RPGRIP1: variants seen among roughly 807,000 people sequenced by gnomAD.
RPGRIP1 encodes X-linked retinitis pigmentosa GTPase regulator-interacting protein 1.
In RPGRIP1, 128 loss-of-function variants were observed where a neutral mutation model predicts 157.9. The ratio of observed to expected loss-of-function variants is 0.81; its 90% CI spans 0.70 to 0.94. RPGRIP1 has a LOEUF of 0.94. RPGRIP1 is among the 40% of genes least tolerant of loss of function. The pLI is 0.00. For synonymous variants in RPGRIP1, 554 were observed against 571.6 expected, an observed-to-expected ratio of 0.97 and a Z score of 0.44; for missense variants, 1,486 against 1,545.8, an observed-to-expected ratio of 0.96 and a Z score of 0.65.
chr14:21,315,268 G>A (rs751617281), intron 10 of RPGRIP1, among the ~76,000 whole-genome samples: 4 of 152,128 alleles, frequency 2.6e-5, no homozygotes, highest in Non-Finnish European at 4.4e-5. Flanking sequence ...AGCACTTTGG[G>A]AGGCCGAGGT....
At position 21,301,055 on chromosome 14, in the gene RPGRIP1, G is replaced by C; in HGVS notation, c.308G>C (p.Arg103Pro). The change falls in exon 4 of 25, where the codon CGC (arginine) becomes CCC (proline). Residue 103 changes from arginine (R) to proline (P), a missense_variant. By Grantham distance (103) the Arg-to-Pro change is moderately radical (BLOSUM62 -2). Coordinates refer to ENST00000400017, the MANE Select transcript of RPGRIP1 (RefSeq NM_020366.4). The stretch of plus-strand genomic sequence containing the variant: ...GCGCCGCTCTCGGAGACCGCAAGGC[G>C]CGGGCAGAAGGCGGGATGGCGGCAG... ...EAAPLSETAR[R>P]GQKAGWRQRL... The C allele has an allele frequency of 6.2e-7, 1 of 1,612,704 alleles. No individual in the cohort carries two copies. The highest frequency in any genetic ancestry group is 8.5e-7 in the Non-Finnish European group (1 of 1,179,474).
chr14:21,302,685 G>C, intron 5 of RPGRIP1, 101 bp downstream of exon 5: 2 of 738,546 alleles, frequency 2.7e-6, no homozygotes, highest in Non-Finnish European at 4.3e-6. Flanking sequence ...AGTCTTTTCA[G>C]CATGATCAGG....
At chr14:21,295,449 ATTT>A (rs1880728456) in intron 3 of RPGRIP1, among the ~76,000 whole-genome samples, 5 of 31,888 alleles carry the variant, frequency 1.6e-4, no homozygotes, top group Admixed American at 1.2e-3. Context: ...CTATACATTT[ATTT>A]ATTTATTTAT....
At chr14:21,344,662 G>A (rs1179234833) in intron 22 of RPGRIP1, among the ~76,000 whole-genome samples, 1 of 151,988 alleles carries the variant, frequency 6.6e-6, no homozygotes, top group African/African-American at 2.4e-5. Flanking sequence ...AATTTCGAAG[G>A]AGCCTGGGTG....
intron 23 of RPGRIP1, among the ~76,000 whole-genome samples, chr14:21,347,827 C>T (rs918688383): frequency 1.3e-5 from 2 of 152,140 alleles, no homozygotes; most frequent in Non-Finnish European, 2.9e-5. Flanking sequence ...CTCCTGGGCT[C>T]AAGTGATCTC....
intron 1 of RPGRIP1, among the ~76,000 whole-genome samples, chr14:21,284,326 A>G (rs184646055): frequency 6.9e-4 from 105 of 152,272 alleles, no homozygotes; most frequent in African/African-American, 2.4e-3. Flanking sequence ...ACAAGACTCT[A>G]CTATAGAACC....
chr14:21,318,493 T>C (rs1280170327), intron 11 of RPGRIP1, among the ~76,000 whole-genome samples: 1 of 152,102 alleles, frequency 6.6e-6, no homozygotes, highest in African/African-American at 2.4e-5. Flanking sequence ...TGGTTTTGTT[T>C]CTGAGAGAGT....
At chr14:21,323,958 T>C (rs942389976) in intron 14 of RPGRIP1, 2 of 154,962 alleles carry the variant, frequency 1.3e-5, no homozygotes, top group Admixed American at 6.3e-5. Flanking sequence ...ACTTGGGAGA[T>C]AATACCCAGA....
intron 20 of RPGRIP1, 120 bp from the exon 21 acceptor site, chr14:21,334,485 G>A (rs1884123767): frequency 1.4e-6 from 1 of 729,114 alleles, no homozygotes; most frequent in African/African-American, 1.8e-5. Flanking sequence ...GTAAGTGAAG[G>A]CAAAATCTAG....
intron 8 of RPGRIP1, 99 bp downstream of exon 8, chr14:21,310,706 G>A (rs1467418071): frequency 4.3e-6 from 3 of 691,292 alleles, no homozygotes; most frequent in Non-Finnish European, 7.6e-6. Flanking sequence ...CCAGAATTTA[G>A]CTAACTAAAT....
intron 3 of RPGRIP1, among the ~76,000 whole-genome samples, chr14:21,295,565 C>T (rs1880737999): frequency 6.6e-6 from 1 of 150,454 alleles, no homozygotes; most frequent in Admixed American, 6.7e-5. Flanking sequence ...CTCACCGCAA[C>T]CTCCGCCTCC....
chr14:21,315,683 C>G (rs1881755498), intron 10 of RPGRIP1, among the ~76,000 whole-genome samples: 1 of 152,038 alleles, frequency 6.6e-6, no homozygotes, highest in Admixed American at 6.6e-5. Context: ...ATAGACATTA[C>G]TATTTGCCTC....
At chr14:21,321,589 C>A in intron 13 of RPGRIP1, 187 bp downstream of exon 13, 1 of 1,274,524 alleles carries the variant, frequency 7.8e-7, no homozygotes, top group Non-Finnish European at 1.0e-6. Flanking sequence ...CACCTTGGCA[C>A]TAGGAGCCAG....
At chr14:21,347,182 T>C (rs756417638) in intron 23 of RPGRIP1, among the ~76,000 whole-genome samples, 3 of 152,268 alleles carry the variant, frequency 2.0e-5, no homozygotes, top group Non-Finnish European at 4.4e-5. Context: ...TTTGCCAGTA[T>C]GGTCTAGCAG....
At position 21,306,281 on chromosome 14, in the gene RPGRIP1, C is replaced by A. The variant is rs918813962; in HGVS notation, c.801-1450C>A. ...CTGAGTAGCTGGGATTACAGGCACC[C>A]ACCACCACACCTGGCTAATTTTTAT... On this transcript the variant is annotated intron_variant, in intron 6 of 24. Coordinates refer to ENST00000400017, the MANE Select transcript of RPGRIP1 (RefSeq NM_020366.4). Among the ~76,000 whole-genome samples the A allele has an allele frequency of 2.7e-5, 4 of 150,462 alleles. No homozygotes were observed. The South Asian group carries it at 8.4e-4, about 32-fold the overall frequency.
At chr14:21,316,946 C>T (rs1056804060) in intron 10 of RPGRIP1, among the ~76,000 whole-genome samples, 1 of 151,620 alleles carries the variant, frequency 6.6e-6, no homozygotes, top group African/African-American at 2.4e-5. Context: ...ATTGTAAAAC[C>T]CCGTCTCTAT....
intron 1 of RPGRIP1, among the ~76,000 whole-genome samples, chr14:21,281,687 TC>T (rs1307290744): frequency 2.0e-4 from 20 of 101,334 alleles, no homozygotes; most frequent in African/African-American, 8.5e-4. Context: ...AGACCTTGTC[TC>T]AAAAAAAAAA....
chr14:21,318,205 C>G (rs1316961220), intron 11 of RPGRIP1: 2 of 463,760 alleles, frequency 4.3e-6, no homozygotes, highest in Admixed American at 2.4e-5. Context: ...CTCCCAGGTA[C>G]AAGCGATTCT....
chr14:21,326,496 A>G (rs973555140), intron 17 of RPGRIP1, among the ~76,000 whole-genome samples: 1 of 152,006 alleles, frequency 6.6e-6, no homozygotes, highest in Non-Finnish European at 1.5e-5. Context: ...TGCCCAGGCT[A>G]GTAGCTGGGA....
Sources: allele counts gnomAD v4.1 joint callset (sites outside exome capture counted in the v4.1 genomes callset), GRCh38; gene constraint gnomAD v4.1.1; transcripts MANE v1.5; gene names NCBI Gene and HGNC (gene_info 2026-07-23, HGNC 2026-07-21).